The following TCERG1L variants were observed in gnomAD, a reference collection of about 807,000 sequenced individuals.
TCERG1L encodes the protein transcription elongation regulator 1-like protein.
TCERG1L carries 37 observed loss-of-function variants against 56.3 expected under a neutral mutation model. The ratio of observed to expected loss-of-function variants is 0.66; its 90% CI spans 0.51 to 0.87. The LOEUF (loss-of-function observed/expected upper bound fraction) is 0.87. TCERG1L is among the 40% of genes least tolerant of loss of function. The pLI is 0.00. For synonymous variants in TCERG1L, 324 were observed against 326.3 expected (o/e 0.99, Z 0.08); for missense variants, 799 against 774.2 (o/e 1.03, Z -0.38).
chr10:131,218,395 C>T (rs1845695588), intron 4 of TCERG1L, among the ~76,000 whole-genome samples: 1 of 152,198 alleles, frequency 6.6e-6, no homozygotes, highest in Non-Finnish European at 1.5e-5. Flanking sequence ...TCCTTTCTGG[C>T]TTGGGTGGTG....
intron 8 of TCERG1L, among the ~76,000 whole-genome samples, chr10:131,120,244 G>C (rs1464746874): frequency 1.3e-5 from 2 of 152,146 alleles, no homozygotes; most frequent in African/African-American, 4.8e-5. Context: ...TTCTGATTTT[G>C]CCCATGTGCA....
intron 4 of TCERG1L, among the ~76,000 whole-genome samples, chr10:131,205,798 T>C (rs1162007160): frequency 2.0e-5 from 3 of 152,200 alleles, no homozygotes; most frequent in Non-Finnish European, 4.4e-5. Flanking sequence ...GGTTGTTTTA[T>C]CCAAAAGATG....
At chr10:131,162,938 C>T (rs953255564) in intron 6 of TCERG1L, 184 bp downstream of exon 6, 4 of 517,888 alleles carry the variant, frequency 7.7e-6, no homozygotes, top group Admixed American at 3.7e-5. Context: ...CGCTTAAATG[C>T]TGTTTTTTTC....
rs111883848 is a variant in TCERG1L at position 131,124,559 on chromosome 10, C to T, written c.1260-7625G>A. Among the ~76,000 whole-genome samples the T allele has an allele frequency of 3.7e-3, 566 of 152,298 alleles. 4 individuals carry two copies. The highest frequency in any genetic ancestry group is 0.013 in the African/African-American group (532 of 41,562). On this transcript the variant is annotated intron_variant, in intron 8 of 11. Transcript: ENST00000368642. ...AACAAGGTGACTTTTTGCAAGTGTG[C>T]TACGGTTTTGATATTTTCAGCTCTA...
chr10:131,191,295 G>C (rs1406205044), intron 4 of TCERG1L, among the ~76,000 whole-genome samples: 1 of 144,048 alleles, frequency 6.9e-6, no homozygotes, highest in South Asian at 2.1e-4. Context: ...TTATGAAAAT[G>C]ACCATACTGC....
At chr10:131,110,648 G>C (rs1295519419) in intron 9 of TCERG1L, among the ~76,000 whole-genome samples, 1 of 152,148 alleles carries the variant, frequency 6.6e-6, no homozygotes, top group Non-Finnish European at 1.5e-5. Context: ...CAAGACCTTG[G>C]GCATGAAGAA....
chr10:131,207,214 CA>C (rs1289070083), intron 4 of TCERG1L, among the ~76,000 whole-genome samples: 1 of 151,704 alleles, frequency 6.6e-6, no homozygotes, highest in Non-Finnish European at 1.5e-5. Context: ...TCTCCAGCTC[CA>C]GGCACAGCGT....
chr10:131,133,549 C>G (rs7920843), intron 8 of TCERG1L, among the ~76,000 whole-genome samples: 50,962 of 151,836 alleles, frequency 0.34, 9,109 homozygotes, highest in South Asian at 0.44. Context: ...GCCTGGGAAG[C>G]GTCCCTTATT....
At chr10:131,284,476 T>C (rs1331502194) in intron 3 of TCERG1L, among the ~76,000 whole-genome samples, 1 of 151,580 alleles carries the variant, frequency 6.6e-6, no homozygotes, top group East Asian at 1.9e-4. Flanking sequence ...TGTGCAAATA[T>C]ACAACCTAAG....
intron 4 of TCERG1L, among the ~76,000 whole-genome samples, chr10:131,233,457 GACAC>G (rs143588165): frequency 3.5e-4 from 53 of 149,976 alleles, no homozygotes; most frequent in Middle Eastern, 3.4e-3. Flanking sequence ...CATGCACACA[GACAC>G]ACACACACAC....
chr10:131,100,766 G>A (rs1168403791), intron 10 of TCERG1L, among the ~76,000 whole-genome samples: 1 of 152,220 alleles, frequency 6.6e-6, no homozygotes, highest in Non-Finnish European at 1.5e-5. Flanking sequence ...ACCAGGTCCT[G>A]TACAGATTCT....
At chr10:131,207,235 T>A (rs1845544285) in intron 4 of TCERG1L, among the ~76,000 whole-genome samples, 1 of 143,372 alleles carries the variant, frequency 7.0e-6, no homozygotes, top group South Asian at 2.4e-4. Flanking sequence ...TGATTCCATA[T>A]CTCCAAAGGG....
At chr10:131,147,813 C>G (rs1845816316) in intron 6 of TCERG1L, among the ~76,000 whole-genome samples, 1 of 152,254 alleles carries the variant, frequency 6.6e-6, no homozygotes, top group African/African-American at 2.4e-5. Context: ...CCCCCGGTAG[C>G]CCACTCACGC....
chr10:131,110,383 G>C (rs1299162470), intron 9 of TCERG1L, among the ~76,000 whole-genome samples: 2 of 152,164 alleles, frequency 1.3e-5, no homozygotes, highest in African/African-American at 4.8e-5. Flanking sequence ...ATTCAGCTGA[G>C]TGCTTGTGGC....
chr10:131,261,942 C>A (rs1050427159), intron 3 of TCERG1L, among the ~76,000 whole-genome samples: 2 of 152,120 alleles, frequency 1.3e-5, no homozygotes, highest in South Asian at 4.2e-4. Flanking sequence ...CCCTGCTGAC[C>A]CCTAGAGAAG....
At chr10:131,253,508 C>T (rs1026442152) in intron 4 of TCERG1L, among the ~76,000 whole-genome samples, 3 of 152,190 alleles carry the variant, frequency 2.0e-5, no homozygotes, top group African/African-American at 7.2e-5. Context: ...ACCTCACTCT[C>T]TGCCTGAGCT....
intron 6 of TCERG1L, among the ~76,000 whole-genome samples, chr10:131,155,467 AACACAGGTTTCTGC>A (rs1368921109): frequency 2.0e-5 from 3 of 152,184 alleles, no homozygotes; most frequent in African/African-American, 7.2e-5. Flanking sequence ...AGCCTCTGAG[AACACAGGTTTCTGC>A]ACACAGGTTC....
intron 8 of TCERG1L, among the ~76,000 whole-genome samples, chr10:131,125,486 T>C (rs1453532026): frequency 1.3e-5 from 2 of 152,260 alleles, no homozygotes; most frequent in Admixed American, 6.5e-5. Flanking sequence ...ATCTTTTGCC[T>C]TATGGGGCCT....
chr10:131,207,328 G>A (rs962781765), intron 4 of TCERG1L, among the ~76,000 whole-genome samples: 3 of 152,182 alleles, frequency 2.0e-5, no homozygotes, highest in African/African-American at 7.2e-5. Context: ...CTGGTTTCAC[G>A]CGCAGGCCTG....
Sources: allele counts gnomAD v4.1 joint callset (sites outside exome capture counted in the v4.1 genomes callset), GRCh38; gene constraint gnomAD v4.1.1; transcripts MANE v1.5; gene names NCBI Gene and HGNC (gene_info 2026-07-23, HGNC 2026-07-21).